The following MEF2A variants were observed in gnomAD, a reference collection of about 807,000 sequenced individuals.
MEF2A encodes the protein myocyte-specific enhancer factor 2A.
In MEF2A, 28 loss-of-function variants were observed where a neutral mutation model predicts 55.8. That is an observed-to-expected ratio of 0.50 (90% confidence interval 0.37 to 0.69). MEF2A has a LOEUF of 0.69. Among genes scored for constraint, MEF2A ranks in the 30% least tolerant of loss-of-function variants. MEF2A has a pLI of 0.00. For synonymous variants in MEF2A, 239 were observed against 227.1 expected (o/e 1.05, Z -0.47); for missense variants, 528 against 626.2 (o/e 0.84, Z 1.67).
chr15:99,581,239 A>T (rs1158764084), intron 1 of MEF2A, among the ~76,000 whole-genome samples: 1 of 152,154 alleles, frequency 6.6e-6, no homozygotes, highest in Non-Finnish European at 1.5e-5. Context: ...TAAAAATATC[A>T]ACCAGAATTA....
chr15:99,609,779 C>T (rs1053753876), intron 2 of MEF2A, among the ~76,000 whole-genome samples: 1 of 152,042 alleles, frequency 6.6e-6, no homozygotes, highest in Non-Finnish European at 1.5e-5. Context: ...CATTGTGTTA[C>T]AAATTATAGA....
chr15:99,618,424 G>GT (rs2040567332), intron 2 of MEF2A, among the ~76,000 whole-genome samples: 1 of 152,232 alleles, frequency 6.6e-6, no homozygotes, highest in South Asian at 2.1e-4. Flanking sequence ...ACTGAAGAGG[G>GT]TAAAAAATGC....
intron 1 of MEF2A, among the ~76,000 whole-genome samples, chr15:99,591,638 A>G (rs1371916238): frequency 1.3e-5 from 2 of 151,876 alleles, no homozygotes; most frequent in African/African-American, 4.8e-5. Context: ...TGCAGTTCCA[A>G]TTACATTATG....
chr15:99,586,469 T>G (rs2570806), intron 1 of MEF2A, among the ~76,000 whole-genome samples: 33,193 of 152,174 alleles, frequency 0.22, 4,249 homozygotes, highest in South Asian at 0.33. Flanking sequence ...TGGCTCTTCA[T>G]ACATCTTTTT....
chr15:99,626,002 T>G (rs2041986518), intron 2 of MEF2A, among the ~76,000 whole-genome samples: 1 of 152,108 alleles, frequency 6.6e-6, no homozygotes, highest in African/African-American at 2.4e-5. Flanking sequence ...TCCTCTTCAG[T>G]TTTTTGGAAG....
At chr15:99,681,344 G>A (rs550784847) in intron 7 of MEF2A, among the ~76,000 whole-genome samples, 3 of 152,332 alleles carry the variant, frequency 2.0e-5, no homozygotes, top group East Asian at 1.9e-4. Flanking sequence ...GTGGGGATGG[G>A]ATGGCGGAGG....
chr15:99,707,128 G>A (rs2058126480), intron 10 of MEF2A, among the ~76,000 whole-genome samples: 1 of 152,154 alleles, frequency 6.6e-6, no homozygotes, highest in Admixed American at 6.5e-5. Context: ...ATAGCAAAAT[G>A]GTGACATGCA....
rs369246024 is a variant in MEF2A, at chr15:99,670,263, GAAAA to G, written c.259-1054_259-1051del. Among the ~76,000 whole-genome samples the G allele has an allele frequency of 8.0e-3, 1,209 of 151,018 alleles. 23 individuals carry two copies. Among genetic ancestry groups the G allele is most frequent in the African/African-American group, 0.028 (1,139 of 41,232 alleles). On this transcript the variant is annotated intron_variant, in intron 4 of 11. Transcript: ENST00000557942. ...CCAACTGTTTTTTGCATTATACTAAGAAAAAAAAAGTCAGTATAATCCAGGAGAT... is the reference window on the plus strand; with the variant it reads ...CCAACTGTTTTTTGCATTATACTAAGAAAAAGTCAGTATAATCCAGGAGAT...
chr15:99,715,416 C>T lies in MEF2A; in HGVS notation c.*2645C>T, dbSNP rs779435526. ...TTCTAAAATACTACTACTCAAGGCT[C>T]GGAGTTTGTATTTAAATTACACTGA... On this transcript the variant is annotated 3_prime_UTR_variant, in exon 12 of 12. Coordinates refer to ENST00000557942, the MANE Select transcript of MEF2A (RefSeq NM_001319206.4). 2.0e-5 allele frequency: 3 copies of T among 152,188 alleles called. No individual in the cohort carries two copies. The highest frequency in any genetic ancestry group is 2.9e-5 in the Non-Finnish European group (2 of 68,044). The allele number at this position is 152,188 out of a possible 1,614,324, so 9.4% of individuals were successfully genotyped here. A position where few individuals can be genotyped will look rare whatever the true frequency, so the allele number is the denominator to read the frequency against.
rs1314995970 is a variant in MEF2A, at chr15:99,658,136, A to AC, written c.258+12373dup. 2.6e-5 allele frequency among the ~76,000 whole-genome samples: 4 copies of AC among 152,174 alleles called. No individual in the cohort carries two copies. The East Asian group carries it at 7.7e-4, about 29-fold the overall frequency. On this transcript the variant is annotated intron_variant, in intron 4 of 11. Transcript: ENST00000557942. ...AAATAGCTCTTATATATTTCAGATG[A>AC]CATTGTTATTATATGTAGATTATAG... is the stretch of plus-strand genomic sequence containing the variant.
intron 1 of MEF2A, among the ~76,000 whole-genome samples, chr15:99,569,297 C>T (rs1961074959): frequency 1.3e-5 from 2 of 152,344 alleles, no homozygotes; most frequent in African/African-American, 4.8e-5. Context: ...ATTGCCTGAT[C>T]TCCCTGCATC....
intron 4 of MEF2A, among the ~76,000 whole-genome samples, chr15:99,662,642 A>AT (rs994409384): frequency 1.3e-5 from 2 of 151,856 alleles, no homozygotes; most frequent in African/African-American, 2.4e-5. Flanking sequence ...CGCCCAGCTA[A>AT]TTTTTTTGTA....
At chr15:99,688,538 A>G (rs947386988) in intron 7 of MEF2A, among the ~76,000 whole-genome samples, 1 of 152,164 alleles carries the variant, frequency 6.6e-6, no homozygotes, top group African/African-American at 2.4e-5. Flanking sequence ...CGGGCAGATC[A>G]TGAGGTCAGG....
At chr15:99,653,933 T>A (rs1048979930) in intron 4 of MEF2A, among the ~76,000 whole-genome samples, 4 of 152,166 alleles carry the variant, frequency 2.6e-5, no homozygotes, top group African/African-American at 9.6e-5. Flanking sequence ...TCGAAAACTT[T>A]AAAAATGTTT....
At chr15:99,608,924 T>C (rs1301436955) in intron 2 of MEF2A, among the ~76,000 whole-genome samples, 1 of 151,978 alleles carries the variant, frequency 6.6e-6, no homozygotes, top group Non-Finnish European at 1.5e-5. Flanking sequence ...GAAGGTGCTA[T>C]TTTGTTGTTC....
intron 1 of MEF2A, among the ~76,000 whole-genome samples, chr15:99,593,262 T>C (rs531884270): frequency 6.6e-6 from 1 of 152,326 alleles, no homozygotes; most frequent in South Asian, 2.1e-4. Context: ...TCCGTATTCT[T>C]CTTGGCTTCC....
rs907776548 is a variant in MEF2A at position 99,714,086 on chromosome 15, G to A, written c.*1315G>A. The A allele has an allele frequency of 1.3e-5, 2 of 152,146 alleles. No individual in the cohort carries two copies. Among genetic ancestry groups the A allele is most frequent in the South Asian group, 2.1e-4 (1 of 4,830 alleles). 9.4% of individuals were successfully genotyped at this position (152,146 alleles called of 1,614,324 possible). ...GTATAAAGGGGTTTCTCCCCTCACT[G>A]GTGGTGAATGTGTGATGTTACATTG... is the stretch of plus-strand genomic sequence containing the variant. On this transcript the variant is annotated 3_prime_UTR_variant, in exon 12 of 12. Transcript: ENST00000557942.
Position 99,690,331 on chromosome 15 carries a change from C to T in MEF2A, c.761C>T (p.Pro254Leu). 1 of 1,613,526 alleles carries T rather than the reference C, an allele frequency of 6.2e-7. No individual in the cohort carries two copies. Among genetic ancestry groups the T allele is most frequent in the Non-Finnish European group, 8.5e-7 (1 of 1,179,760 alleles). The change falls in exon 8 of 12, where the codon CCC (proline) becomes CTC (leucine). Residue 254 changes from proline to leucine, a missense_variant. Physicochemically the swap from Pro to Leu is moderately conservative, Grantham distance 98 (BLOSUM62 -3). Around this residue, in one of 2 missense-constraint regions of MEF2A, gnomAD observed 450 missense variants for 475.3 expected, o/e 0.95. Coordinates refer to ENST00000557942, the MANE Select transcript of MEF2A (RefSeq NM_001319206.4). ...SLGKVMPTKS[P>L]PPPGGGNLGM... Reference sequence around the variant, plus strand: ...GGCAAAGTCATGCCTACAAAGTCTCCCCCTCCACCAGGTGGTGGTAATCTT... The same window carrying T: ...GGCAAAGTCATGCCTACAAAGTCTCTCCCTCCACCAGGTGGTGGTAATCTT...
At position 99,645,545 on chromosome 15, in the gene MEF2A, C is replaced by T; in HGVS notation, c.55-16C>T. ...ACTAATGCTTTTAATAAAAATATAC[C>T]TTTTTTATTGTTTAGGTCACTTTTA... On this transcript the variant is annotated splice_polypyrimidine_tract_variant and intron_variant, in intron 3 of 11. Coordinates refer to ENST00000557942, the MANE Select transcript of MEF2A (RefSeq NM_001319206.4). 6.4e-7 allele frequency: 1 copy of T among 1,569,480 alleles called. No individual in the cohort carries two copies.
Sources: gnomAD v4.1 joint callset for allele counts (sites outside exome capture counted in the v4.1 genomes callset) on GRCh38, gnomAD v4.1.1 for gene constraint, gnomAD v4.1.1 regional missense constraint, MANE v1.5 for transcripts, NCBI Gene and HGNC (gene_info 2026-07-23, HGNC 2026-07-21) for gene names.